The following TTYH2 variants were observed in gnomAD, a reference collection of about 807,000 sequenced individuals.
TTYH2 encodes tweety family member 2, also known as protein tweety homolog 2.
A neutral mutation model predicts 68.3 loss-of-function variants in TTYH2; 49 were observed. That is an observed-to-expected ratio of 0.72 (90% CI 0.57 to 0.91). TTYH2 has a LOEUF of 0.91. TTYH2 is among the 40% of genes least tolerant of loss of function. TTYH2 has a pLI of 0.00. For synonymous variants in TTYH2, 272 were observed against 300.8 expected (o/e 0.90, Z 0.99); for missense variants, 631 against 700.4 (o/e 0.90, Z 1.12).
At chr17:74,250,056 G>A (rs776533680) in intron 9 of TTYH2, 28 bp downstream of exon 9, 36 of 1,610,550 alleles carry the variant, frequency 2.2e-5, no homozygotes, top group Non-Finnish European at 3.0e-5. Context: ...GAAGAGGGGA[G>A]CCCCAGATGA....
chr17:74,243,882 G>A, intron 5 of TTYH2, 95 bp from the exon 6 acceptor site: 1 of 1,098,154 alleles, frequency 9.1e-7, no homozygotes. Context: ...GCTGCCTTTG[G>A]ATCCATTGCA....
At chr17:74,247,675 C>T (rs1293221762) in intron 6 of TTYH2, among the ~76,000 whole-genome samples, 1 of 152,180 alleles carries the variant, frequency 6.6e-6, no homozygotes, top group African/African-American at 2.4e-5. Context: ...CCCCATCCTC[C>T]ACTTGGGCCT....
chr17:74,218,391 G>A (rs2050241912), intron 1 of TTYH2, among the ~76,000 whole-genome samples: 1 of 151,924 alleles, frequency 6.6e-6, no homozygotes, highest in Admixed American at 6.6e-5. Flanking sequence ...GGCTTCCAAA[G>A]GCTGGGCAGG....
rs942155854 is a variant in TTYH2 at position 74,230,869 on chromosome 17, T to C, written c.303-19T>C. The C allele has an allele frequency of 6.2e-7, 1 of 1,612,952 alleles. No individual in the cohort carries two copies. Among genetic ancestry groups the C allele is most frequent in the Admixed American group, 1.7e-5 (1 of 60,008 alleles). On this transcript the variant is annotated intron_variant, in intron 2 of 13. Coordinates refer to ENST00000269346, the MANE Select transcript of TTYH2 (RefSeq NM_032646.6). ...CTCTGTGTATCACCTCTAACCTCTG[T>C]TTGGGATCTTGCTTATAGTGCTGCG... is the stretch of plus-strand genomic sequence containing the variant.
intron 6 of TTYH2, chr17:74,248,749 A>G (rs1035067298): frequency 1.5e-6 from 2 of 1,378,982 alleles, no homozygotes; most frequent in Non-Finnish European, 1.9e-6. Flanking sequence ...TGAGCACTTT[A>G]CTTGCATTGG....
intron 11 of TTYH2, 53 bp from the exon 12 acceptor site, chr17:74,253,028 C>G: frequency 6.3e-7 from 1 of 1,595,034 alleles, no homozygotes; most frequent in Non-Finnish European, 8.6e-7. Context: ...ACCTGGCTGC[C>G]TCGGAGCCTC....
chr17:74,260,213 A>G lies in TTYH2; in HGVS notation c.*4A>G, dbSNP rs2050735329. 6.2e-7 allele frequency: 1 copy of G among 1,613,710 alleles called. No homozygotes were observed. Among genetic ancestry groups the G allele is most frequent in the Non-Finnish European group, 8.5e-7 (1 of 1,179,884 alleles). On this transcript the variant is annotated 3_prime_UTR_variant, in exon 14 of 14. Coordinates refer to ENST00000269346, the MANE Select transcript of TTYH2 (RefSeq NM_032646.6). ...CGGGAATCAGTTTCCAGCCTAACAG[A>G]CTTTCGGGGGTTCCTGCCTCCTTTT...
chr17:74,259,831 G>A (rs1195196441), intron 13 of TTYH2, among the ~76,000 whole-genome samples: 1 of 152,216 alleles, frequency 6.6e-6, no homozygotes, highest in Non-Finnish European at 1.5e-5. Context: ...CAGCCTGCTG[G>A]CTGCTGACTG....
chr17:74,259,042 G>A (rs1438077865), intron 13 of TTYH2, among the ~76,000 whole-genome samples: 1 of 152,002 alleles, frequency 6.6e-6, no homozygotes. Flanking sequence ...CTGTGTGCAG[G>A]GTATAGAGTG....
chr17:74,255,170 C>T (rs2050680652), intron 13 of TTYH2, among the ~76,000 whole-genome samples: 1 of 152,248 alleles, frequency 6.6e-6, no homozygotes, highest in African/African-American at 2.4e-5. Flanking sequence ...GACTCCAGTG[C>T]CAAAGGCCTG....
Position 74,214,140 on chromosome 17 carries a change from G to A in TTYH2, c.129+424G>A, listed in dbSNP as rs2050199198. Among the ~76,000 whole-genome samples, 3 of 152,154 alleles carry A rather than the reference G, an allele frequency of 2.0e-5. No homozygotes were observed. The highest frequency in any genetic ancestry group is 2.0e-4 in the Admixed American group (3 of 15,278). ...ACCGTCTGAGATTCCAAGATGGGGC[G>A]CTCTCTTTCCGGGGCTGAGTGGCCT... On this transcript the variant is annotated intron_variant, in intron 1 of 13. Coordinates refer to ENST00000269346, the MANE Select transcript of TTYH2 (RefSeq NM_032646.6). This position sits in a 1 kb window ranked among gnomAD's most constrained non-coding sequence, Gnocchi z 4.6.
rs543924020 is a variant in TTYH2 at position 74,232,863 on chromosome 17, G to A, written c.414+1864G>A. Among the ~76,000 whole-genome samples, 2 of 152,338 alleles carry A rather than the reference G, an allele frequency of 1.3e-5. No individual in the cohort carries two copies. Among genetic ancestry groups the A allele is most frequent in the African/African-American group, 4.8e-5 (2 of 41,576 alleles). ...ACAGGACGAGAGCTGCCAGGGAGGG[G>A]AGCTGGAACGGGCCCCCAGGCTGGG... On this transcript the variant is annotated intron_variant, in intron 3 of 13. Coordinates refer to ENST00000269346, the MANE Select transcript of TTYH2 (RefSeq NM_032646.6). This position sits in a 1 kb window ranked among gnomAD's most constrained non-coding sequence, Gnocchi z 5.1.
chr17:74,244,404 T>C (rs2050534636), intron 6 of TTYH2, among the ~76,000 whole-genome samples: 2 of 152,186 alleles, frequency 1.3e-5, no homozygotes, highest in African/African-American at 4.8e-5. Context: ...CCGGGTCTCC[T>C]GAGAATGGGT....
chr17:74,237,722 G>T (rs2050458709), intron 4 of TTYH2, among the ~76,000 whole-genome samples: 1 of 152,174 alleles, frequency 6.6e-6, no homozygotes, highest in African/African-American at 2.4e-5. Flanking sequence ...TACCTCCGGG[G>T]TTCAAGAGAT....
At position 74,253,155 on chromosome 17, in the gene TTYH2, C is replaced by T. The variant is rs565901012; in HGVS notation, c.1334C>T (p.Pro445Leu). ...PQAWRMAAHSPPRGQLHSFCS... is the reference protein window; with the variant it reads ...PQAWRMAAHSLPRGQLHSFCS... ...GCCTGGCGCATGGCGGCTCACAGTC[C>T]CCCGAGGGGACAGCTTCACAGCTTC... The change falls in exon 12 of 14, where the codon CCC (proline) becomes CTC (leucine). Residue 445 changes from proline (P) to leucine (L), a missense_variant. Physicochemically the swap from Pro to Leu is moderately conservative, Grantham distance 98. Transcript: ENST00000269346. 6.2e-7 allele frequency: 1 copy of T among 1,614,020 alleles called. No individual in the cohort carries two copies. The highest frequency in any genetic ancestry group is 2.2e-5 in the East Asian group (1 of 44,864).
intron 2 of TTYH2, among the ~76,000 whole-genome samples, chr17:74,223,645 G>T (rs2050301177): frequency 6.6e-6 from 1 of 152,184 alleles, no homozygotes; most frequent in South Asian, 2.1e-4. Flanking sequence ...TTCAGGAGTT[G>T]TTGCGTTTTT....
intron 6 of TTYH2, among the ~76,000 whole-genome samples, chr17:74,247,476 C>A (rs1267065153): frequency 1.3e-5 from 2 of 152,182 alleles, no homozygotes; most frequent in Admixed American, 1.3e-4. Flanking sequence ...ATGGAGGCTC[C>A]AGGGTGGCCA....
chr17:74,222,788 C>CTTTT lies in TTYH2; in HGVS notation c.302+141_302+144dup. 6.4e-6 allele frequency: 6 copies of CTTTT among 936,138 alleles called. No homozygotes were observed. Among genetic ancestry groups the CTTTT allele is most frequent in the Non-Finnish European group, 8.8e-6 (6 of 680,950 alleles). The allele number at this position is 936,138 out of a possible 1,614,324, so 58.0% of individuals were successfully genotyped here. ...GCTTGTCCCCAGATGAATGTTGTCC[C>CTTTT]TTTTTTTTTTTTTACCAAGCATCAG... On this transcript the variant is annotated intron_variant, in intron 2 of 13. Coordinates refer to ENST00000269346, the MANE Select transcript of TTYH2 (RefSeq NM_032646.6). This position sits in a 1 kb window ranked among gnomAD's most constrained non-coding sequence, Gnocchi z 5.2.
chr17:74,254,378 G>C lies in TTYH2; in HGVS notation c.1524+545G>C, dbSNP rs112755027. 4.0e-3 allele frequency among the ~76,000 whole-genome samples: 608 copies of C among 152,292 alleles called. 3 individuals carry two copies. The highest frequency in any genetic ancestry group is 0.014 in the African/African-American group (590 of 41,566). ...AGATGGGGTTTCTCCATGATGGCCAGGCTGGTCTCAAACTTCTGACCTCAG... is the reference window on the plus strand; with the variant it reads ...AGATGGGGTTTCTCCATGATGGCCACGCTGGTCTCAAACTTCTGACCTCAG... On this transcript the variant is annotated intron_variant, in intron 13 of 13. Transcript: ENST00000269346.
Sources: gnomAD v4.1 joint callset for allele counts (sites outside exome capture counted in the v4.1 genomes callset) on GRCh38, gnomAD v4.1.1 for gene constraint, Gnocchi (gnomAD v3.1) non-coding constraint, MANE v1.5 for transcripts, NCBI Gene and HGNC (gene_info 2026-07-23, HGNC 2026-07-21) for gene names.